The following ACSM1 variants were observed in gnomAD, a reference collection of about 807,000 sequenced individuals.
ACSM1 encodes acyl-coenzyme A synthetase ACSM1, mitochondrial.
In ACSM1, 79 loss-of-function variants were observed where a neutral mutation model predicts 75.8. That is an observed-to-expected ratio of 1.04 (90% confidence interval 0.87 to 1.26). The LOEUF (loss-of-function observed/expected upper bound fraction) is 1.26, where lower values mean the gene tolerates loss of function less well. Among genes scored for constraint, ACSM1 ranks in the 50% most tolerant of loss-of-function variants. The pLI, the probability that ACSM1 is intolerant of heterozygous loss-of-function variation, is 0.00. For synonymous variants in ACSM1, 279 were observed against 265.8 expected (o/e 1.05, Z -0.48); for missense variants, 676 against 720.1 (o/e 0.94, Z 0.70).
rs563904627 is a variant in ACSM1 at position 20,677,384 on chromosome 16, C to T, written c.611+4872G>A. Among the ~76,000 whole-genome samples, 20 of 152,286 alleles carry T rather than the reference C, an allele frequency of 1.3e-4. No homozygotes were observed. The South Asian group carries it at 4.1e-3, about 32-fold the overall frequency. ...GGCATCACCCAGTGACATACTTATC[C>T]AGGCAATTAGATTCTGTGGCACTTC... On this transcript the variant is annotated intron_variant, in intron 4 of 13. Coordinates refer to ENST00000520010, the MANE Select transcript of ACSM1 (RefSeq NM_001318890.3).
chr16:20,665,028 C>T (rs141098623), intron 6 of ACSM1, among the ~76,000 whole-genome samples: 43 of 152,064 alleles, frequency 2.8e-4, no homozygotes, highest in African/African-American at 9.4e-4. Flanking sequence ...GCACTAAATG[C>T]CTTCATTAAG....
At chr16:20,645,610 G>A (rs1232599995) in intron 7 of ACSM1, among the ~76,000 whole-genome samples, 3 of 152,148 alleles carry the variant, frequency 2.0e-5, no homozygotes, top group East Asian at 1.9e-4. Context: ...GAGAAGTGCC[G>A]CCATTACTGC....
At chr16:20,633,144 T>A (rs963642144) in intron 10 of ACSM1, among the ~76,000 whole-genome samples, 1 of 152,258 alleles carries the variant, frequency 6.6e-6, no homozygotes, top group South Asian at 2.1e-4. Context: ...TTCTACATAG[T>A]CCCGGAAGCT....
chr16:20,691,115 G>A lies in ACSM1; in HGVS notation c.74C>T (p.Ser25Leu), dbSNP rs1041822271. 2 of 1,613,676 alleles carry A rather than the reference G, an allele frequency of 1.2e-6. No individual in the cohort carries two copies. Among genetic ancestry groups the A allele is most frequent in the Non-Finnish European group, 8.5e-7 (1 of 1,179,848 alleles). Residue 25 changes from serine to leucine, a missense_variant, in exon 2 of 14, where the codon TCA (serine) becomes TTA (leucine). Physicochemically the swap from Ser to Leu is moderately radical, Grantham distance 145 (BLOSUM62 -2). Transcript: ENST00000520010. ...TGATAAAGACCGGCAGCGCAGCTGT[G>A]AAGGGGCAGGGTGGATGTTGTGGAA... Reference protein sequence around the residue: ...KSFHNIHPAPSQLRCRSLSEF... With the variant: ...KSFHNIHPAPLQLRCRSLSEF...
intron 1 of ACSM1, among the ~76,000 whole-genome samples, chr16:20,693,711 C>G (rs74011823): frequency 0.048 from 7,304 of 152,202 alleles, 588 homozygotes; most frequent in African/African-American, 0.17. Flanking sequence ...TTTATTTTGT[C>G]CCTCCTGCCT....
At chr16:20,669,747 A>G in intron 6 of ACSM1, 80 bp downstream of exon 6, 1 of 1,460,178 alleles carries the variant, frequency 6.8e-7, no homozygotes, top group Non-Finnish European at 9.4e-7. Flanking sequence ...TTTGCTTAAT[A>G]AAATATTTTT....
chr16:20,640,301 C>T (rs1417747701), intron 8 of ACSM1, among the ~76,000 whole-genome samples, 160 bp downstream of exon 8: 2 of 152,192 alleles, frequency 1.3e-5, no homozygotes, highest in African/African-American at 4.8e-5. Flanking sequence ...TCCTTTTTCC[C>T]CAATATCTGC....
intron 10 of ACSM1, among the ~76,000 whole-genome samples, chr16:20,635,612 C>G (rs1199974122): frequency 2.4e-4 from 25 of 103,748 alleles, no homozygotes; most frequent in African/African-American, 8.2e-4. Context: ...TTCTTTCTTT[C>G]TTTCTTTCTT....
At chr16:20,630,243 G>A (rs1370714904) in intron 10 of ACSM1, among the ~76,000 whole-genome samples, 3 of 151,496 alleles carry the variant, frequency 2.0e-5, no homozygotes, top group African/African-American at 7.3e-5. Context: ...ATACCACCGT[G>A]CCCGGCTAAT....
intron 2 of ACSM1, among the ~76,000 whole-genome samples, chr16:20,687,133 C>T (rs560513825): frequency 2.0e-5 from 3 of 151,964 alleles, no homozygotes; most frequent in South Asian, 2.1e-4. Context: ...CCAAGGGTTG[C>T]GGAGGGACTG....
intron 4 of ACSM1, 148 bp downstream of exon 4, chr16:20,682,108 A>T (rs763449983): frequency 1.2e-5 from 9 of 721,488 alleles, no homozygotes; most frequent in Non-Finnish European, 2.0e-5. Context: ...CTCTTTGTTC[A>T]GGGCTCAGTC....
At chr16:20,664,872 A>G (rs1160313308) in intron 6 of ACSM1, among the ~76,000 whole-genome samples, 1 of 152,210 alleles carries the variant, frequency 6.6e-6, no homozygotes, top group Non-Finnish European at 1.5e-5. Flanking sequence ...ATATAAAAAC[A>G]TGGAAATTAA....
At chr16:20,662,076 G>T (rs563852384) in intron 6 of ACSM1, among the ~76,000 whole-genome samples, 1 of 152,134 alleles carries the variant, frequency 6.6e-6, no homozygotes, top group Non-Finnish European at 1.5e-5. Flanking sequence ...CGCAGATAAC[G>T]TTCCAACTCC....
chr16:20,640,862 G>C (rs1428358086), intron 7 of ACSM1, among the ~76,000 whole-genome samples: 2 of 152,210 alleles, frequency 1.3e-5, no homozygotes, highest in Admixed American at 6.5e-5. Flanking sequence ...ACAAGAGGGA[G>C]AACTGTGTGT....
At position 20,640,507 on chromosome 16, in the gene ACSM1, C is replaced by T; in HGVS notation, c.1070G>A (p.Arg357Lys). The change falls in exon 8 of 14, where the codon AGA becomes AAA. Residue 357 changes from arginine (R) to lysine (K), a missense_variant. Arg to Lys is a conservative substitution (Grantham distance 26). Transcript: ENST00000520010. ...CTCGTAGAGCAGAAGGCCCGTCCGT[C>T]TTTTCCACTCCTCCTGATCCTTGGG... is the stretch of plus-strand genomic sequence containing the variant. ...VLPKDQEEWK[R>K]RTGLLLYENY... 1.2e-6 allele frequency: 2 copies of T among 1,614,186 alleles called. No individual in the cohort carries two copies. Among genetic ancestry groups the T allele is most frequent in the Non-Finnish European group, 8.5e-7 (1 of 1,180,022 alleles).
rs758300292 is a variant in ACSM1, at chr16:20,682,393, T to C, written c.474A>G (p.Lys158=). 2 of 1,614,042 alleles carry C rather than the reference T, an allele frequency of 1.2e-6. No homozygotes were observed. Among genetic ancestry groups the C allele is most frequent in the South Asian group, 2.2e-5 (2 of 91,070 alleles). The part of the protein sequence containing the change: ...KDILYRLQLS[K]AKGIVTIDAL... ...CATCTATGGTCACAATGCCCTTGGC[T>C]TTAGACAACTGTAGTCGATAGAGAA... Residue 158 remains lysine, a synonymous_variant, in exon 4 of 14, where the codon AAA becomes AAG. Transcript: ENST00000520010.
chr16:20,632,399 C>A (rs554324813), intron 10 of ACSM1, among the ~76,000 whole-genome samples: 2 of 152,188 alleles, frequency 1.3e-5, no homozygotes, highest in South Asian at 4.1e-4. Flanking sequence ...TAAGAGAATA[C>A]TATGAACAAT....
chr16:20,649,094 T>A (rs1002826545), intron 7 of ACSM1, among the ~76,000 whole-genome samples: 1 of 152,222 alleles, frequency 6.6e-6, no homozygotes, highest in Non-Finnish European at 1.5e-5. Flanking sequence ...ATCTGGCTCA[T>A]GTCAGTGATT....
chr16:20,665,004 G>A (rs2019493764), intron 6 of ACSM1, among the ~76,000 whole-genome samples: 1 of 152,108 alleles, frequency 6.6e-6, no homozygotes, highest in African/African-American at 2.4e-5. Context: ...AGCAATGTTA[G>A]AGGAAAGTTT....
Sources: gnomAD v4.1 joint callset for allele counts (sites outside exome capture counted in the v4.1 genomes callset) on GRCh38, gnomAD v4.1.1 for gene constraint, MANE v1.5 for transcripts, NCBI Gene and HGNC (gene_info 2026-07-23, HGNC 2026-07-21) for gene names.